The following RADIL variants were observed in gnomAD, a reference collection of about 807,000 sequenced individuals.
RADIL encodes the protein ras-associating and dilute domain-containing protein.
RADIL carries 99 observed loss-of-function variants against 97.6 expected under a neutral mutation model. The observed-to-expected ratio is 1.01, with a 90% CI of 0.86 to 1.20. RADIL has a LOEUF of 1.20. Ranked by LOEUF, RADIL falls within the 50% of genes most tolerant of loss-of-function variation. RADIL has a pLI of 0.00. For synonymous variants in RADIL, 803 were observed against 691.8 expected, an observed-to-expected ratio of 1.16 and a Z score of -2.52; for missense variants, 1,765 against 1,498.9, an observed-to-expected ratio of 1.18 and a Z score of -2.93.
chr7:4,837,177 A>T lies in RADIL; in HGVS notation c.536-572T>A, dbSNP rs1374747407. 6.6e-6 allele frequency among the ~76,000 whole-genome samples: 1 copy of T among 152,162 alleles called. No individual in the cohort carries two copies. The highest frequency in any genetic ancestry group is 1.5e-5 in the Non-Finnish European group (1 of 68,028). On this transcript the variant is annotated intron_variant, in intron 2 of 14. Coordinates refer to ENST00000399583, the MANE Select transcript of RADIL (RefSeq NM_018059.5). This position sits in a 1 kb window ranked among gnomAD's most constrained non-coding sequence, Gnocchi z 5.6. Reference sequence around the variant, plus strand: ...GCCTGCCTGTCAAATCCTCAGGCTGAGGGGACCACGCCTCCCCTGCAGCAG... The same window carrying T: ...GCCTGCCTGTCAAATCCTCAGGCTGTGGGGACCACGCCTCCCCTGCAGCAG...
chr7:4,825,883 GAAAAAAAAA>G (rs540147941), intron 5 of RADIL, among the ~76,000 whole-genome samples: 13 of 51,032 alleles, frequency 2.5e-4, no homozygotes, highest in Non-Finnish European at 3.8e-4. Flanking sequence ...CTCCGTCTCA[GAAAAAAAAA>G]AAAAAAAAAA....
Position 4,815,393 on chromosome 7 carries a change from T to C in RADIL, c.2024A>G (p.Gln675Arg), listed in dbSNP as rs1453946656. The change falls in exon 9 of 15, where the codon CAG becomes CGG. Residue 675 changes from glutamine to arginine, a missense_variant. By Grantham distance (43) the Gln-to-Arg change is conservative. Coordinates refer to ENST00000399583, the MANE Select transcript of RADIL (RefSeq NM_018059.5). This position sits in a 1 kb window ranked among gnomAD's most constrained non-coding sequence, Gnocchi z 8.0. The stretch of plus-strand genomic sequence containing the variant: ...GCTCCGCATCCACTCCAGGAGCTGC[T>C]GCAGGCGGGCGCAGGCCTGGACACC... ...PRGVQACARLQQLLEWMRSAG... is the reference protein window; with the variant it reads ...PRGVQACARLRQLLEWMRSAG... The C allele has an allele frequency of 3.8e-6, 6 of 1,563,774 alleles. No homozygotes were observed. The East Asian group carries it at 1.2e-4, about 30-fold the overall frequency.
Position 4,799,658 on chromosome 7 carries a change from T to C in RADIL, c.3094A>G (p.Ser1032Gly), listed in dbSNP as rs749167481. 2 of 1,600,422 alleles carry C rather than the reference T, an allele frequency of 1.2e-6. No individual in the cohort carries two copies. The highest frequency in any genetic ancestry group is 1.7e-6 in the Non-Finnish European group (2 of 1,174,582). ...LGDRILEVNG[S>G]SLLGLGYLRA... Reference sequence around the variant, plus strand: ...AGGTAGCCAAGGCCCAGGAGGCTGCTGCCATTCACCTCCAGGATACGGTCC... The same window carrying C: ...AGGTAGCCAAGGCCCAGGAGGCTGCCGCCATTCACCTCCAGGATACGGTCC... Residue 1032 changes from serine (S) to glycine (G), a missense_variant, in exon 14 of 15, where the codon AGC becomes GGC. Coordinates refer to ENST00000399583, the MANE Select transcript of RADIL (RefSeq NM_018059.5).
rs764708299 is a variant in RADIL, at chr7:4,798,950, C to T, written c.*428G>A. The T allele has an allele frequency of 3.7e-5, 7 of 189,056 alleles. No homozygotes were observed. The highest frequency in any genetic ancestry group is 1.5e-4 in the East Asian group (1 of 6,868). The allele number at this position is 189,056 out of a possible 1,614,324, so 11.7% of individuals were successfully genotyped here. A position where few individuals can be genotyped will look rare whatever the true frequency, so the allele number is the denominator to read the frequency against. On this transcript the variant is annotated 3_prime_UTR_variant, in exon 15 of 15. Coordinates refer to ENST00000399583, the MANE Select transcript of RADIL (RefSeq NM_018059.5). ...TGCAGTGCCCTGTGTCTGGGTGGGACGGGGGCAGGGAGAGTCAGTTCAGAT... is the reference window on the plus strand; with the variant it reads ...TGCAGTGCCCTGTGTCTGGGTGGGATGGGGGCAGGGAGAGTCAGTTCAGAT...
At position 4,799,445 on chromosome 7, in the gene RADIL, C is replaced by T. The variant is rs761401242; in HGVS notation, c.3161G>A (p.Arg1054Gln). 1.6e-5 allele frequency: 26 copies of T among 1,613,684 alleles called. No individual in the cohort carries two copies. Among genetic ancestry groups the T allele is most frequent in the South Asian group, 2.2e-5 (2 of 91,082 alleles). Residue 1054 changes from arginine to glutamine, a missense_variant, in exon 15 of 15, where the codon CGG (arginine) becomes CAG (glutamine). Transcript: ENST00000399583. ...DLIRHGGKKM[R>Q]FLVAKSDVET... ...CACGTCGGACTTCGCGACCAGGAAC[C>T]GCATCTTCTTCCCGCCATGACGGAT... is the stretch of plus-strand genomic sequence containing the variant.
intron 2 of RADIL, chr7:4,859,586 C>CCCCT (rs1270887649): frequency 9.5e-6 from 3 of 315,230 alleles, no homozygotes; most frequent in African/African-American, 4.3e-5. Flanking sequence ...TAGTCCCGTA[C>CCCCT]CCCTCATTCT....
intron 9 of RADIL, among the ~76,000 whole-genome samples, chr7:4,806,354 G>A (rs374904767): frequency 9.2e-5 from 14 of 151,938 alleles, no homozygotes; most frequent in East Asian, 3.9e-4. Flanking sequence ...TAGAGATGGA[G>A]TTCTCACTAT....
chr7:4,882,602 TATC>T (rs1784509189), intron 1 of RADIL, among the ~76,000 whole-genome samples: 1 of 152,162 alleles, frequency 6.6e-6, no homozygotes, highest in Non-Finnish European at 1.5e-5. Flanking sequence ...TGGAACCCAT[TATC>T]ATTTCCAGCA....
intron 13 of RADIL, 94 bp from the exon 14 acceptor site, chr7:4,799,863 C>G: frequency 7.0e-7 from 1 of 1,425,176 alleles, no homozygotes; most frequent in East Asian, 2.5e-5. Context: ...CTACAGGCCC[C>G]CGCCTGGCAT....
At chr7:4,876,343 C>T (rs1352917055) in intron 2 of RADIL, among the ~76,000 whole-genome samples, 1 of 151,906 alleles carries the variant, frequency 6.6e-6, no homozygotes, top group Non-Finnish European at 1.5e-5. Flanking sequence ...TCTTGTTGCC[C>T]AGGCTGGAGA....
At position 4,878,842 on chromosome 7, in the gene RADIL, A is replaced by C. The variant is rs965163053; in HGVS notation, c.-64-639T>G. On this transcript the variant is annotated intron_variant, in intron 1 of 14. Transcript: ENST00000399583. The surrounding 1 kb of genome is among the most constrained non-coding windows in gnomAD (Gnocchi z 4.1). ...AGCACCATCACAGCCACAGAAGAGC[A>C]GCGGGCAGCCCAAGGGCAAAGCTTC... 6.6e-6 allele frequency among the ~76,000 whole-genome samples: 1 copy of C among 152,248 alleles called. No homozygotes were observed. The highest frequency in any genetic ancestry group is 2.4e-5 in the African/African-American group (1 of 41,474).
intron 2 of RADIL, among the ~76,000 whole-genome samples, chr7:4,844,315 C>T (rs990314523): frequency 6.6e-6 from 1 of 151,078 alleles, no homozygotes; most frequent in African/African-American, 2.4e-5. Context: ...TGTGGTGGCA[C>T]GCGCCTGTAG....
Position 4,835,153 on chromosome 7 carries a change from G to T in RADIL, c.870C>A (p.Ala290=), listed in dbSNP as rs1282577051. The T allele has an allele frequency of 6.2e-7, 1 of 1,610,998 alleles. No homozygotes were observed. Among genetic ancestry groups the T allele is most frequent in the Non-Finnish European group, 8.5e-7 (1 of 1,179,182 alleles). The change falls in exon 4 of 15, where the codon GCC becomes GCA. Residue 290 remains alanine (A), a synonymous_variant. Coordinates refer to ENST00000399583, the MANE Select transcript of RADIL (RefSeq NM_018059.5). The surrounding 1 kb of genome is among the most constrained non-coding windows in gnomAD (Gnocchi z 5.8). ...TGCAGTGTAGAGGCAGGATGTCGGGGGCTGAGAGGCTGATGCTGGGCTTGC... is the reference window on the plus strand; with the variant it reads ...TGCAGTGTAGAGGCAGGATGTCGGGTGCTGAGAGGCTGATGCTGGGCTTGC... ...PSSKPSISLS[A]PDILPLHCTI...
intron 2 of RADIL, among the ~76,000 whole-genome samples, chr7:4,876,675 A>C (rs1784384406): frequency 6.6e-6 from 1 of 152,246 alleles, no homozygotes; most frequent in Non-Finnish European, 1.5e-5. Flanking sequence ...CACCAGACAC[A>C]GTGGGCCCCA....
rs573708544 is a variant in RADIL at position 4,837,652 on chromosome 7, C to A, written c.536-1047G>T. Among the ~76,000 whole-genome samples the A allele has an allele frequency of 6.6e-6, 1 of 152,272 alleles. No individual in the cohort carries two copies. The highest frequency in any genetic ancestry group is 6.5e-5 in the Admixed American group (1 of 15,290). Reference sequence around the variant, plus strand: ...CCAAAAACACACATGCACACACATACACACACGCCAACACACATGCACCCA... The same window carrying A: ...CCAAAAACACACATGCACACACATAAACACACGCCAACACACATGCACCCA... On this transcript the variant is annotated intron_variant, in intron 2 of 14. Transcript: ENST00000399583. This position sits in a 1 kb window ranked among gnomAD's most constrained non-coding sequence, Gnocchi z 5.6.
rs1784284388 is a variant in RADIL, at chr7:4,872,786, T to C, written c.535+4819A>G. Among the ~76,000 whole-genome samples, 1 of 152,118 alleles carries C rather than the reference T, an allele frequency of 6.6e-6. No individual in the cohort carries two copies. Among genetic ancestry groups the C allele is most frequent in the African/African-American group, 2.4e-5 (1 of 41,428 alleles). ...AGGGGGGTAGCAGTGAACTAAGTGA[T>C]GAGTGAACCGGCAGGAAGCGCCTGG... On this transcript the variant is annotated intron_variant, in intron 2 of 14. Coordinates refer to ENST00000399583, the MANE Select transcript of RADIL (RefSeq NM_018059.5). This position sits in a 1 kb window ranked among gnomAD's most constrained non-coding sequence, Gnocchi z 5.8.
At chr7:4,857,115 C>A (rs1027123564) in intron 2 of RADIL, among the ~76,000 whole-genome samples, 1 of 152,172 alleles carries the variant, frequency 6.6e-6, no homozygotes, top group African/African-American at 2.4e-5. Flanking sequence ...TTAACAATTT[C>A]TGTTCATCTT....
At chr7:4,851,349 G>A (rs944754979) in intron 2 of RADIL, among the ~76,000 whole-genome samples, 29 of 152,180 alleles carry the variant, frequency 1.9e-4, no homozygotes, top group African/African-American at 7.0e-4. Flanking sequence ...AGCAGGATGG[G>A]GAAAGTCTAG....
chr7:4,865,662 T>C (rs1784115127), intron 2 of RADIL: 2 of 943,756 alleles, frequency 2.1e-6, no homozygotes, highest in Non-Finnish European at 3.5e-6. Context: ...CCATTCACTT[T>C]GATCCTTTCT....
Sources: allele counts gnomAD v4.1 joint callset (sites outside exome capture counted in the v4.1 genomes callset), GRCh38; gene constraint gnomAD v4.1.1; non-coding constraint Gnocchi (gnomAD v3.1); transcripts MANE v1.5; gene names NCBI Gene and HGNC (gene_info 2026-07-23, HGNC 2026-07-21).